Variants in DAPK2 observed in about 807,000 individuals in gnomAD.
DAPK2 encodes the protein death-associated protein kinase 2.
In DAPK2, 35 loss-of-function variants were observed where a neutral mutation model predicts 44.1. The ratio of observed to expected loss-of-function variants is 0.79; its 90% CI spans 0.61 to 1.05. The LOEUF is 1.05. Among genes scored for constraint, DAPK2 ranks in the 50% least tolerant of loss-of-function variants. DAPK2 has a pLI of 0.00. For synonymous variants in DAPK2, 174 were observed against 182.6 expected, an observed-to-expected ratio of 0.95 and a Z score of 0.38; for missense variants, 453 against 483.2, an observed-to-expected ratio of 0.94 and a Z score of 0.59.
chr15:63,976,061 TAG>T (rs1231287393), intron 2 of DAPK2, among the ~76,000 whole-genome samples: 5 of 152,168 alleles, frequency 3.3e-5, no homozygotes, highest in Non-Finnish European at 1.5e-5. Context: ...TCATGAAAAG[TAG>T]AACAACCGGA....
At chr15:63,979,872 G>A (rs1002592877) in intron 2 of DAPK2, among the ~76,000 whole-genome samples, 2 of 152,100 alleles carry the variant, frequency 1.3e-5, no homozygotes, top group Admixed American at 6.5e-5. Flanking sequence ...CCGAGATCAC[G>A]CCACTGCACT....
At chr15:63,983,553 G>T (rs62639967) in exon 2 of DAPK2, 10 of 1,614,110 alleles carry the variant, frequency 6.2e-6, no homozygotes, top group Non-Finnish European at 6.8e-6. Context: ...TGAGCACCAC[G>T]TCGGTGCGGT....
rs79034339 is a variant in DAPK2 at position 64,012,523 on chromosome 15, C to T, written c.92+27647G>A. On this transcript the variant is annotated intron_variant, in intron 1 of 10. Coordinates refer to ENST00000261891, the Ensembl canonical transcript of DAPK2. ...GCAACAACCTAAATGTCTATCAAGA[C>T]GGTACTGCTTAAATTAATTATGGTC... is the stretch of plus-strand genomic sequence containing the variant. Among the ~76,000 whole-genome samples the T allele has an allele frequency of 4.2e-3, 633 of 152,252 alleles. 5 individuals carry two copies. Among genetic ancestry groups the T allele is most frequent in the African/African-American group, 0.015 (609 of 41,538 alleles).
intron 1 of DAPK2, among the ~76,000 whole-genome samples, chr15:64,016,102 G>A (rs547173727): frequency 1.3e-5 from 2 of 152,342 alleles, no homozygotes; most frequent in Non-Finnish European, 1.5e-5. Context: ...AGGGAGGGCT[G>A]GCTCCAGGGG....
At chr15:63,988,832 A>G (rs900515304) in intron 1 of DAPK2, among the ~76,000 whole-genome samples, 14 of 151,880 alleles carry the variant, frequency 9.2e-5, no homozygotes, top group African/African-American at 3.4e-4. Context: ...AGCTAACTTC[A>G]TATTCATTCT....
chr15:63,954,462 G>T (rs191126674), intron 3 of DAPK2, among the ~76,000 whole-genome samples: 77 of 152,242 alleles, frequency 5.1e-4, no homozygotes, highest in Non-Finnish European at 5.0e-4. Flanking sequence ...CACTGTAGAT[G>T]TATGTATTTG....
chr15:63,969,587 A>C (rs1379747207), intron 3 of DAPK2, among the ~76,000 whole-genome samples: 1 of 152,270 alleles, frequency 6.6e-6, no homozygotes, highest in East Asian at 1.9e-4. Flanking sequence ...CAAAAAATAC[A>C]AAAATTAGCC....
chr15:64,034,196 G>C (rs1417543239), intron 1 of DAPK2, among the ~76,000 whole-genome samples: 1 of 104,016 alleles, frequency 9.6e-6, no homozygotes, highest in African/African-American at 3.4e-5. Flanking sequence ...AGTGTGGCTA[G>C]ACTGGGCTAT....
At chr15:63,961,203 A>T (rs2077890823) in intron 3 of DAPK2, among the ~76,000 whole-genome samples, 1 of 151,980 alleles carries the variant, frequency 6.6e-6, no homozygotes, top group African/African-American at 2.4e-5. Context: ...TGCTTGGTAG[A>T]TCTTCCTCCA....
intron 10 of DAPK2, chr15:63,911,330 C>T (rs926204730): frequency 5.8e-5 from 9 of 154,124 alleles, no homozygotes; most frequent in Admixed American, 1.9e-4. Flanking sequence ...ACTATCAGCA[C>T]AGAGAGGTTA....
intron 4 of DAPK2, among the ~76,000 whole-genome samples, chr15:63,935,089 CTTTT>C (rs35739549): frequency 8.0e-6 from 1 of 124,490 alleles, no homozygotes; most frequent in Non-Finnish European, 1.6e-5. Flanking sequence ...TCTTTGCCTT[CTTTT>C]TTTTTTTTTT....
chr15:63,961,953 C>G (rs2077912743), intron 3 of DAPK2, among the ~76,000 whole-genome samples: 2 of 152,164 alleles, frequency 1.3e-5, no homozygotes, highest in South Asian at 4.1e-4. Flanking sequence ...AACCTGGTTC[C>G]ACTCTCCCCG....
chr15:63,993,362 T>A (rs1009329716), intron 1 of DAPK2, among the ~76,000 whole-genome samples: 2 of 152,160 alleles, frequency 1.3e-5, no homozygotes, highest in Non-Finnish European at 2.9e-5. Context: ...AAGATTCACA[T>A]TAAACAGGTG....
chr15:63,986,708 C>T (rs1286011685), intron 1 of DAPK2, among the ~76,000 whole-genome samples: 1 of 152,210 alleles, frequency 6.6e-6, no homozygotes, highest in Non-Finnish European at 1.5e-5. Flanking sequence ...AGCAGTGGTT[C>T]TCAACCCAGG....
chr15:63,961,714 G>A (rs189891711), intron 3 of DAPK2, among the ~76,000 whole-genome samples: 1 of 152,368 alleles, frequency 6.6e-6, no homozygotes, highest in Admixed American at 6.5e-5. Flanking sequence ...GAGATCTGCT[G>A]TTAGTCTGAC....
intron 8 of DAPK2, among the ~76,000 whole-genome samples, chr15:63,915,108 T>C: frequency 6.6e-6 from 1 of 152,222 alleles, no homozygotes; most frequent in East Asian, 1.9e-4. Context: ...TTACTTATAA[T>C]AGCAAATATG....
At chr15:63,930,536 G>A (rs868072404) in intron 4 of DAPK2, 81 bp from the exon 6 acceptor site, 18 of 1,317,984 alleles carry the variant, frequency 1.4e-5, no homozygotes, top group Middle Eastern at 3.6e-4. Flanking sequence ...AGGGAATTTG[G>A]TGCCAAATAT....
chr15:63,942,165 A>T, intron 3 of DAPK2: 2 of 971,318 alleles, frequency 2.1e-6, no homozygotes, highest in Non-Finnish European at 2.4e-6. Flanking sequence ...GGAAGAATTG[A>T]GGCTGAAATA....
intron 1 of DAPK2, among the ~76,000 whole-genome samples, chr15:64,022,187 T>A (rs2079702674): frequency 6.6e-6 from 1 of 152,214 alleles, no homozygotes; most frequent in African/African-American, 2.4e-5. Flanking sequence ...AGGGAGCTAA[T>A]CTTGGCAATG....
Sources: allele counts gnomAD v4.1 joint callset (sites outside exome capture counted in the v4.1 genomes callset), GRCh38; gene constraint gnomAD v4.1.1; transcripts MANE v1.5; gene names NCBI Gene and HGNC (gene_info 2026-07-23, HGNC 2026-07-21).